The following GRIK2 variants were observed in gnomAD, a reference collection of about 807,000 sequenced individuals.
GRIK2 encodes glutamate receptor ionotropic, kainate 2.
GRIK2 carries 32 observed loss-of-function variants against 100.3 expected under a neutral mutation model. The observed-to-expected ratio is 0.32, with a 90% CI of 0.24 to 0.43. The LOEUF (loss-of-function observed/expected upper bound fraction) is 0.43. GRIK2 is among the 20% of genes least tolerant of loss of function. The pLI, the probability that GRIK2 is intolerant of heterozygous loss-of-function variation, is 1.00. For missense variants in GRIK2, 843 were observed against 1,114.9 expected (o/e 0.76, Z 3.47); for synonymous variants, 417 against 389.4 (o/e 1.07, Z -0.83).
chr6:101,970,614 T>C (rs921758264), intron 14 of GRIK2, among the ~76,000 whole-genome samples: 1 of 151,972 alleles, frequency 6.6e-6, no homozygotes, highest in African/African-American at 2.4e-5. Flanking sequence ...CATCTGAGTG[T>C]TGTTCTGGCA....
chr6:101,962,068 A>T (rs1168444102), intron 14 of GRIK2, among the ~76,000 whole-genome samples: 1 of 152,154 alleles, frequency 6.6e-6, no homozygotes, highest in Non-Finnish European at 1.5e-5. Context: ...GCTCTCTGAC[A>T]TTCCAGAAAT....
At chr6:101,507,871 T>C (rs529213682) in intron 2 of GRIK2, among the ~76,000 whole-genome samples, 3 of 152,162 alleles carry the variant, frequency 2.0e-5, no homozygotes, top group Non-Finnish European at 2.9e-5. Flanking sequence ...GGATTCAAAT[T>C]GGATCACAAG....
chr6:101,658,873 G>A (rs1769393681), intron 4 of GRIK2, among the ~76,000 whole-genome samples: 1 of 152,082 alleles, frequency 6.6e-6, no homozygotes, highest in Admixed American at 6.6e-5. Flanking sequence ...TGATGAGGTT[G>A]TTTGCTTTTT....
At chr6:101,880,333 A>C (rs1356048209) in intron 11 of GRIK2, among the ~76,000 whole-genome samples, 1 of 151,952 alleles carries the variant, frequency 6.6e-6, no homozygotes, top group East Asian at 1.9e-4. Flanking sequence ...GCTCTTTCTC[A>C]CTCATAAGTT....
intron 7 of GRIK2, among the ~76,000 whole-genome samples, chr6:101,706,137 T>A (rs1236973765): frequency 6.6e-6 from 1 of 151,866 alleles, no homozygotes; most frequent in Non-Finnish European, 1.5e-5. Flanking sequence ...AGGACATCAC[T>A]CAGAGACAGA....
intron 2 of GRIK2, among the ~76,000 whole-genome samples, chr6:101,563,122 C>CT (rs1777100064): frequency 6.6e-6 from 1 of 152,070 alleles, no homozygotes. Flanking sequence ...AATAATATTC[C>CT]TTTTTTCACC....
intron 4 of GRIK2, among the ~76,000 whole-genome samples, chr6:101,630,082 A>G (rs887041469): frequency 1.2e-4 from 18 of 152,156 alleles, no homozygotes; most frequent in Admixed American, 1.0e-3. Context: ...TCCATGGTGT[A>G]TATGTACCAC....
chr6:101,478,300 T>C (rs969755074), intron 2 of GRIK2, among the ~76,000 whole-genome samples: 1 of 152,070 alleles, frequency 6.6e-6, no homozygotes, highest in African/African-American at 2.4e-5. Context: ...AATAACACTT[T>C]ATTGTTAGAT....
chr6:101,515,534 C>T (rs1391377643), intron 2 of GRIK2, among the ~76,000 whole-genome samples: 1 of 152,146 alleles, frequency 6.6e-6, no homozygotes, highest in African/African-American at 2.4e-5. Context: ...TTCCCACCAG[C>T]AGTGTAGAAG....
intron 10 of GRIK2, among the ~76,000 whole-genome samples, chr6:101,848,622 T>A (rs1362935240): frequency 3.9e-5 from 6 of 152,092 alleles, no homozygotes; most frequent in Non-Finnish European, 8.8e-5. Flanking sequence ...ATTTAGAAAA[T>A]CATGGTAATT....
chr6:101,725,775 G>T (rs903587068), intron 7 of GRIK2, among the ~76,000 whole-genome samples: 20 of 151,854 alleles, frequency 1.3e-4, no homozygotes, highest in Non-Finnish European at 2.5e-4. Context: ...ATTTTGTACT[G>T]GTCACTGACA....
chr6:101,699,976 G>A (rs1041983919), intron 7 of GRIK2, among the ~76,000 whole-genome samples: 5 of 151,810 alleles, frequency 3.3e-5, no homozygotes, highest in Admixed American at 1.3e-4. Context: ...CTGAGACTCC[G>A]TTTCTACAAA....
At chr6:101,497,469 T>G (rs1773507737) in intron 2 of GRIK2, among the ~76,000 whole-genome samples, 1 of 150,722 alleles carries the variant, frequency 6.6e-6, no homozygotes, top group African/African-American at 2.4e-5. Context: ...TTTGATCTAT[T>G]CACTCTTATT....
chr6:101,872,447 A>T (rs986934249), intron 11 of GRIK2, among the ~76,000 whole-genome samples: 2 of 151,818 alleles, frequency 1.3e-5, no homozygotes, highest in Admixed American at 1.3e-4. Context: ...AAACCATCAG[A>T]TCATGAGAAC....
intron 7 of GRIK2, among the ~76,000 whole-genome samples, chr6:101,715,590 A>G (rs966904644): frequency 1.3e-5 from 2 of 151,792 alleles, no homozygotes; most frequent in Non-Finnish European, 1.5e-5. Context: ...TACCAAGAAT[A>G]TAATATAGTC....
chr6:101,858,671 A>G (rs1443763593), intron 10 of GRIK2, among the ~76,000 whole-genome samples: 3 of 151,940 alleles, frequency 2.0e-5, no homozygotes, highest in African/African-American at 7.3e-5. Flanking sequence ...TTACAGGTGC[A>G]AGCCATGGTG....
rs919415886 is a variant in GRIK2 at position 101,894,936 on chromosome 6, C to A, written c.1748+5073C>A. ...TAATGGTACACACATATCCCTCCAACAGGATTGATGTAACCTTAATAATTA... is the reference window on the plus strand; with the variant it reads ...TAATGGTACACACATATCCCTCCAAAAGGATTGATGTAACCTTAATAATTA... On this transcript the variant is annotated intron_variant, in intron 12 of 16. Coordinates refer to ENST00000369134, the MANE Select transcript of GRIK2 (RefSeq NM_021956.5). Among the ~76,000 whole-genome samples the A allele has an allele frequency of 2.0e-5, 3 of 151,682 alleles. No homozygotes were observed. The East Asian group carries it at 5.8e-4, about 29-fold the overall frequency.
chr6:102,046,512 G>T (rs1047165866), intron 15 of GRIK2, among the ~76,000 whole-genome samples: 5 of 152,044 alleles, frequency 3.3e-5, no homozygotes, highest in Admixed American at 6.6e-5. Context: ...TGCACCCACT[G>T]CCACCATGTG....
chr6:101,720,195 A>G (rs1198272238), intron 7 of GRIK2, among the ~76,000 whole-genome samples: 1 of 151,960 alleles, frequency 6.6e-6, no homozygotes, highest in Non-Finnish European at 1.5e-5. Context: ...ATGTATATCC[A>G]ACATGATTAT....
Sources: allele counts gnomAD v4.1 joint callset (sites outside exome capture counted in the v4.1 genomes callset), GRCh38; gene constraint gnomAD v4.1.1; transcripts MANE v1.5; gene names NCBI Gene and HGNC (gene_info 2026-07-23, HGNC 2026-07-21).